The following FRMD8 variants were observed in gnomAD, a reference collection of about 807,000 sequenced individuals.
The protein encoded by FRMD8 is FERM domain-containing protein 8.
FRMD8 carries 37 observed loss-of-function variants against 54.2 expected under a neutral mutation model. The ratio of observed to expected loss-of-function variants is 0.68; its 90% CI spans 0.53 to 0.90. The LOEUF (loss-of-function observed/expected upper bound fraction) is 0.90. Ranked by LOEUF, FRMD8 falls within the 40% of genes least tolerant of loss-of-function variation. The pLI, the probability that FRMD8 is intolerant of heterozygous loss-of-function variation, is 0.00. For synonymous variants in FRMD8, 246 were observed against 286.9 expected (o/e 0.86, Z 1.44); for missense variants, 585 against 653.7 (o/e 0.89, Z 1.15).
At chr11:65,403,638 C>T (rs1565610547) in intron 9 of FRMD8, among the ~76,000 whole-genome samples, 2 of 152,276 alleles carry the variant, frequency 1.3e-5, no homozygotes, top group East Asian at 3.9e-4. Flanking sequence ...CCCTGACGCA[C>T]CTGGCCTGAG....
At position 65,396,942 on chromosome 11, in the gene FRMD8, G is replaced by A; in HGVS notation, c.725G>A (p.Ser242Asn). 3 of 1,533,534 alleles carry A rather than the reference G, an allele frequency of 2.0e-6. No homozygotes were observed. The highest frequency in any genetic ancestry group is 2.5e-5 in the East Asian group (1 of 39,526). 95.0% of individuals were successfully genotyped at this position (1,533,534 alleles called of 1,614,324 possible). Residue 242 changes from serine (S) to asparagine (N), a missense_variant, in exon 7 of 11, where the codon AGC becomes AAC. Transcript: ENST00000317568. ...TACCGCCAGGTGCAGGAGGTCAGCA[G>A]CGACGGCGGGTGCGAGGCCGCCCTG... ...NAYRQVQEVS[S>N]DGGCEAALGT...
At position 65,400,947 on chromosome 11, in the gene FRMD8, C is replaced by A; in HGVS notation, c.1071+80C>A. On this transcript the variant is annotated intron_variant, in intron 9 of 10. Transcript: ENST00000317568. This position sits in a 1 kb window ranked among gnomAD's most constrained non-coding sequence, Gnocchi z 4.3. ...GTCCCAGACAATTAGAGGCACCAGG[C>A]TGGCGGGCAAGGAGGTGAGAAGCTG... 6.9e-7 allele frequency: 1 copy of A among 1,459,096 alleles called. No homozygotes were observed. The allele number at this position is 1,459,096 out of a possible 1,614,324, so 90.4% of individuals were successfully genotyped here.
intron 10 of FRMD8, among the ~76,000 whole-genome samples, chr11:65,409,990 C>A (rs1334576823): frequency 6.6e-6 from 1 of 151,874 alleles, no homozygotes; most frequent in Non-Finnish European, 1.5e-5. Context: ...GGGAGGATCA[C>A]CTAGGCTTAG....
chr11:65,394,424 A>T lies in FRMD8; in HGVS notation c.580A>T (p.Arg194Trp). 6.4e-7 allele frequency: 1 copy of T among 1,565,166 alleles called. No homozygotes were observed. The highest frequency in any genetic ancestry group is 8.6e-7 in the Non-Finnish European group (1 of 1,158,418). The change falls in exon 6 of 11, where the codon AGG (arginine) becomes TGG (tryptophan). Residue 194 changes from arginine to tryptophan, a missense_variant and splice_region_variant. By Grantham distance (101) the Arg-to-Trp change is moderately radical. Coordinates refer to ENST00000317568, the MANE Select transcript of FRMD8 (RefSeq NM_031904.5). ...QPGRPAACDLREKLDSFLPAH... is the reference protein window; with the variant it reads ...QPGRPAACDLWEKLDSFLPAH... ...CGGCCGGCCGGCAGCCTGCGACCTG[A>T]GGTGAGGGCCTGTGTGACTTGAGGC...
intron 8 of FRMD8, 63 bp downstream of exon 8, chr11:65,399,922 T>C (rs1233611810): frequency 6.4e-7 from 1 of 1,559,658 alleles, no homozygotes; most frequent in Non-Finnish European, 8.7e-7. Context: ...CAGGTCTTCC[T>C]GGTTCCTCTG....
chr11:65,405,150 T>C (rs1022711698), intron 10 of FRMD8, 82 bp downstream of exon 10: 1 of 1,356,646 alleles, frequency 7.4e-7, no homozygotes, highest in African/African-American at 1.4e-5. Flanking sequence ...GGACAGGGCA[T>C]TGCAGAGCAG....
the FRMD8 span, chr11:65,379,386 C>G: frequency 6.2e-7 from 1 of 1,609,762 alleles, no homozygotes; most frequent in Non-Finnish European, 8.5e-7. Flanking sequence ...CTGCAGGAAC[C>G]CCCCGGTGCA....
Position 65,400,717 on chromosome 11 carries a change from T to C in FRMD8, c.928-7T>C. On this transcript the variant is annotated splice_region_variant and splice_polypyrimidine_tract_variant and intron_variant, in intron 8 of 10. Transcript: ENST00000317568. This position sits in a 1 kb window ranked among gnomAD's most constrained non-coding sequence, Gnocchi z 4.3. Reference sequence around the variant, plus strand: ...TCAAGCCTGGCTCTGTGTCTCCTGCTGGCCAGCATGTCCTGCTGGGCCTGC... The same window carrying C: ...TCAAGCCTGGCTCTGTGTCTCCTGCCGGCCAGCATGTCCTGCTGGGCCTGC... The C allele has an allele frequency of 6.3e-7, 1 of 1,576,430 alleles. No individual in the cohort carries two copies. The highest frequency in any genetic ancestry group is 8.6e-7 in the Non-Finnish European group (1 of 1,162,776).
chr11:65,397,875 CTTTT>C (rs71064881), intron 7 of FRMD8, among the ~76,000 whole-genome samples: 8 of 106,728 alleles, frequency 7.5e-5, no homozygotes, highest in Non-Finnish European at 8.0e-5. Context: ...ATTTTTCTTT[CTTTT>C]TTTTTTTTTT....
chr11:65,409,579 C>T (rs1487120199), intron 10 of FRMD8, among the ~76,000 whole-genome samples: 1 of 151,910 alleles, frequency 6.6e-6, no homozygotes, highest in Admixed American at 6.6e-5. Flanking sequence ...CAAGACCAGC[C>T]TGCGCAACAT....
chr11:65,370,036 A>AAAAT, the FRMD8 span, among the ~76,000 whole-genome samples: 341 of 151,362 alleles, frequency 2.3e-3, 4 homozygotes, highest in African/African-American at 7.7e-3. Flanking sequence ...TGTCTCCAAA[A>AAAAT]AAATAAATAA....
the FRMD8 span, among the ~76,000 whole-genome samples, chr11:65,374,794 T>G: frequency 1.3e-5 from 2 of 151,794 alleles, no homozygotes. Flanking sequence ...TAGTGAGACC[T>G]CCTCTCTACA....
At chr11:65,406,737 C>T (rs1856207289) in intron 10 of FRMD8, among the ~76,000 whole-genome samples, 2 of 151,878 alleles carry the variant, frequency 1.3e-5, no homozygotes, top group Non-Finnish European at 2.9e-5. Context: ...GTCGGGAGTT[C>T]GAGACCAGTC....
At chr11:65,380,285 A>G in the FRMD8 span, 2 of 1,507,366 alleles carry the variant, frequency 1.3e-6, no homozygotes, top group Non-Finnish European at 1.8e-6. Flanking sequence ...GAGCAGGGCC[A>G]TCTCAGACAC....
intron 7 of FRMD8, among the ~76,000 whole-genome samples, chr11:65,399,160 G>A (rs549781211): frequency 9.2e-5 from 14 of 152,166 alleles, no homozygotes; most frequent in African/African-American, 3.4e-4. Context: ...ACCATGCCCG[G>A]CTAATTTTTT....
In FRMD8 at chr11:65,394,054, G is replaced by A. The variant is rs61740654; in HGVS notation, c.369G>A (p.Leu123=). ...CTCTCTCCCCAGATGAGCCTTTCCTGCAGTTCCGAAGGAACGTGTTCTTCC... is the reference window on the plus strand; with the variant it reads ...CTCTCTCCCCAGATGAGCCTTTCCTACAGTTCCGAAGGAACGTGTTCTTCC... ...DDDVAMDEPF[L]QFRRNVFFPK... is the part of the protein sequence containing the mutation. The change falls in exon 5 of 11, where the codon CTG becomes CTA. Residue 123 remains leucine (L), a synonymous_variant. Coordinates refer to ENST00000317568, the MANE Select transcript of FRMD8 (RefSeq NM_031904.5). 0.011 allele frequency: 17,680 copies of A among 1,614,096 alleles called. 2,434 individuals are homozygous for A. In the Admixed American group the frequency reaches 0.26, roughly 23 times the overall value.
At chr11:65,371,562 T>A in the FRMD8 span, among the ~76,000 whole-genome samples, 1 of 152,248 alleles carries the variant, frequency 6.6e-6, no homozygotes, top group East Asian at 1.9e-4. Context: ...ATCTGTTAAA[T>A]CCTTAAGCAA....
At chr11:65,389,299 T>TTGGCC (rs1855792532) in intron 2 of FRMD8, 62 bp from the exon 3 acceptor site, 1 of 1,560,910 alleles carries the variant, frequency 6.4e-7, no homozygotes, top group African/African-American at 1.4e-5. Flanking sequence ...GGGTGCCTGG[T>TTGGCC]TGGCCTGGCC....
intron 10 of FRMD8, among the ~76,000 whole-genome samples, chr11:65,408,607 TA>T (rs1262070943): frequency 1.3e-5 from 2 of 151,842 alleles, no homozygotes; most frequent in African/African-American, 2.4e-5. Context: ...CTTGCTAATG[TA>T]AAAGTGTGCA....
Sources: gnomAD v4.1 joint callset for allele counts (sites outside exome capture counted in the v4.1 genomes callset) on GRCh38, gnomAD v4.1.1 for gene constraint, Gnocchi (gnomAD v3.1) non-coding constraint, MANE v1.5 for transcripts, NCBI Gene and HGNC (gene_info 2026-07-23, HGNC 2026-07-21) for gene names.